Variants in PDE11A observed in about 807,000 individuals in gnomAD.
The protein encoded by PDE11A is dual 3',5'-cyclic-AMP and -GMP phosphodiesterase 11A.
In PDE11A, 100 loss-of-function variants were observed where a neutral mutation model predicts 100.5. That is an observed-to-expected ratio of 1.00 (90% CI 0.85 to 1.18). PDE11A has a LOEUF of 1.18. Among genes scored for constraint, PDE11A ranks in the 50% most tolerant of loss-of-function variants. The probability of loss-of-function intolerance (pLI) is 0.00; values close to 1 mark genes in which losing one functional copy is unlikely to be tolerated. For missense variants in PDE11A, 1,141 were observed against 1,152.6 expected, an observed-to-expected ratio of 0.99 and a Z score of 0.15; for synonymous variants, 381 against 420.8, an observed-to-expected ratio of 0.91 and a Z score of 1.16.
At chr2:177,826,893 T>G (rs1054037289) in intron 6 of PDE11A, among the ~76,000 whole-genome samples, 2 of 152,234 alleles carry the variant, frequency 1.3e-5, no homozygotes, top group African/African-American at 4.8e-5. Context: ...TGAGAGAAGA[T>G]TGACAAGAGC....
chr2:178,097,494 A>C lies in PDE11A; in HGVS notation c.162+6808T>G, dbSNP rs560367464. ...GTGAGAACTCAAAGACTGTAACAAG[A>C]ACAGCATGAGGGAAACCACCCCCAT... On this transcript the variant is annotated intron_variant, in intron 2 of 20. Coordinates refer to the PDE11A transcript ENST00000358450. Among the ~76,000 whole-genome samples the C allele has an allele frequency of 8.5e-5, 13 of 152,288 alleles. No individual in the cohort carries two copies. In the South Asian group the frequency reaches 2.1e-3, roughly 24 times the overall value.
intron 2 of PDE11A, among the ~76,000 whole-genome samples, chr2:177,938,351 C>A (rs2085304115): frequency 6.6e-6 from 1 of 152,170 alleles, no homozygotes; most frequent in Admixed American, 6.5e-5. Flanking sequence ...TCAAGGACGT[C>A]CATCCATCCC....
intron 2 of PDE11A, among the ~76,000 whole-genome samples, chr2:178,083,118 G>C (rs76128566): frequency 1.3e-5 from 1 of 75,078 alleles, no homozygotes; most frequent in Admixed American, 1.4e-4. Context: ...TTTTTTTTTT[G>C]AGATGGAGTC....
At chr2:178,078,684 G>A (rs1052088557) in intron 2 of PDE11A, among the ~76,000 whole-genome samples, 1 of 152,058 alleles carries the variant, frequency 6.6e-6, no homozygotes, top group African/African-American at 2.4e-5. Flanking sequence ...AGAATAACTT[G>A]TTGATAAAAA....
At chr2:177,848,799 T>C (rs1206896942) in intron 5 of PDE11A, among the ~76,000 whole-genome samples, 1 of 152,070 alleles carries the variant, frequency 6.6e-6, no homozygotes, top group Non-Finnish European at 1.5e-5. Context: ...CAAAATAAAA[T>C]ACCCCAGAAC....
intron 5 of PDE11A, among the ~76,000 whole-genome samples, chr2:177,840,764 AG>A (rs1215691930): frequency 6.6e-6 from 1 of 152,220 alleles, no homozygotes; most frequent in Non-Finnish European, 1.5e-5. Context: ...TTTTGGCACA[AG>A]GAAGAATGAA....
intron 15 of PDE11A, among the ~76,000 whole-genome samples, chr2:177,682,477 C>T (rs573050365): frequency 6.6e-6 from 1 of 152,324 alleles, no homozygotes; most frequent in African/African-American, 2.4e-5. Context: ...CTCACACATA[C>T]ACCCATGGAA....
intron 2 of PDE11A, among the ~76,000 whole-genome samples, chr2:177,929,162 A>G (rs2085172988): frequency 6.6e-6 from 1 of 151,574 alleles, no homozygotes; most frequent in Non-Finnish European, 1.5e-5. Flanking sequence ...CAAATCTCCT[A>G]ATCTCCTCCC....
At chr2:178,017,284 A>G (rs536205856) in intron 1 of PDE11A, among the ~76,000 whole-genome samples, 16 of 152,246 alleles carry the variant, frequency 1.1e-4, no homozygotes, top group African/African-American at 3.6e-4. Context: ...TCAATTATGA[A>G]AATTAAAAAC....
At chr2:177,985,836 C>T (rs749050225) in intron 2 of PDE11A, among the ~76,000 whole-genome samples, 8 of 152,178 alleles carry the variant, frequency 5.3e-5, no homozygotes, top group Admixed American at 5.2e-4. Flanking sequence ...CAGAACAATG[C>T]GCAAGTGCTT....
At chr2:177,906,488 A>C (rs930758427) in intron 2 of PDE11A, among the ~76,000 whole-genome samples, 1 of 152,132 alleles carries the variant, frequency 6.6e-6, no homozygotes, top group African/African-American at 2.4e-5. Flanking sequence ...GGCATGATCA[A>C]CTCTGACCTA....
chr2:177,845,985 G>T (rs552290932), intron 5 of PDE11A, among the ~76,000 whole-genome samples: 2 of 151,828 alleles, frequency 1.3e-5, no homozygotes, highest in African/African-American at 2.4e-5. Flanking sequence ...GTCCAGCTTC[G>T]GCTCGGCATG....
intron 4 of PDE11A, among the ~76,000 whole-genome samples, chr2:177,887,171 G>A (rs1433878175): frequency 6.6e-6 from 1 of 152,100 alleles, no homozygotes; most frequent in Non-Finnish European, 1.5e-5. Flanking sequence ...GGGCAAGAGA[G>A]AAAGAAAGAA....
At chr2:178,037,557 A>G (rs1044137826) in intron 1 of PDE11A, among the ~76,000 whole-genome samples, 1 of 152,240 alleles carries the variant, frequency 6.6e-6, no homozygotes, top group Non-Finnish European at 1.5e-5. Context: ...TTCTAATATA[A>G]AGACCCATGC....
chr2:177,839,165 C>T (rs1214704799), intron 6 of PDE11A, among the ~76,000 whole-genome samples: 2 of 152,196 alleles, frequency 1.3e-5, no homozygotes, highest in African/African-American at 4.8e-5. Flanking sequence ...ACCCCAGCCT[C>T]CCTGCCATCA....
At chr2:177,888,337 C>T (rs1005151753) in intron 4 of PDE11A, among the ~76,000 whole-genome samples, 3 of 151,738 alleles carry the variant, frequency 2.0e-5, no homozygotes. Flanking sequence ...AGAAACAGAC[C>T]CAGGTATATA....
At chr2:177,929,010 TA>T (rs71010831) in intron 2 of PDE11A, among the ~76,000 whole-genome samples, 1 of 152,068 alleles carries the variant, frequency 6.6e-6, no homozygotes, top group Admixed American at 6.5e-5. Flanking sequence ...GGGGGATGAT[TA>T]AAAAAAATGA....
chr2:178,003,862 C>G (rs921699331), intron 2 of PDE11A, among the ~76,000 whole-genome samples: 3 of 151,958 alleles, frequency 2.0e-5, no homozygotes, highest in Non-Finnish European at 4.4e-5. Flanking sequence ...AATAGTTCAA[C>G]CTAACAGCTA....
chr2:177,706,610 A>C (rs1446047881), intron 13 of PDE11A, among the ~76,000 whole-genome samples: 3 of 152,220 alleles, frequency 2.0e-5, no homozygotes, highest in African/African-American at 7.2e-5. Context: ...GGAAATCTTA[A>C]CGGAGGTTGG....
Sources: gnomAD v4.1 joint callset for allele counts (sites outside exome capture counted in the v4.1 genomes callset) on GRCh38, gnomAD v4.1.1 for gene constraint, MANE v1.5 for transcripts, NCBI Gene and HGNC (gene_info 2026-07-23, HGNC 2026-07-21) for gene names.